FANCM: variants seen among roughly 807,000 people sequenced by gnomAD.
FANCM encodes Fanconi anemia group M protein.
Under a neutral mutation model 199.5 loss-of-function variants are expected in FANCM, and 140 were observed. That is an observed-to-expected ratio of 0.70 (90% CI 0.61 to 0.81). The LOEUF is 0.81. FANCM is among the 30% of genes least tolerant of loss of function. FANCM has a pLI of 0.00. For synonymous variants in FANCM, 840 were observed against 836.8 expected (o/e 1.00, Z -0.07); for missense variants, 2,410 against 2,421.4 (o/e 1.00, Z 0.10).
At chr14:45,150,216 A>G (rs925839090) in intron 4 of FANCM, among the ~76,000 whole-genome samples, 3 of 152,146 alleles carry the variant, frequency 2.0e-5, no homozygotes, top group East Asian at 1.9e-4. Flanking sequence ...TTGTTTTTAA[A>G]TTGTTTGTAA....
At chr14:45,165,352 C>T (rs1194713527) in intron 10 of FANCM, among the ~76,000 whole-genome samples, 3 of 152,062 alleles carry the variant, frequency 2.0e-5, no homozygotes, top group African/African-American at 4.8e-5. Flanking sequence ...CCGAGACCAG[C>T]CTGGCCAACA....
Position 45,188,944 on chromosome 14 carries a change from A to G in FANCM, c.4922A>G (p.Tyr1641Cys), listed in dbSNP as rs947497193. Residue 1641 changes from tyrosine to cysteine, a missense_variant, in exon 20 of 23, where the codon TAT becomes TGT. Tyr to Cys is a radical substitution (Grantham distance 194). Transcript: ENST00000267430. ...GATTGCTTTGCAAATAGTAAAAAGT[A>G]TAAAACTCGACGTGCAGTAATGCTA... The part of the protein sequence containing the change: ...TDDCFANSKK[Y>C]KTRRAVMLKE... 3 of 1,613,946 alleles carry G rather than the reference A, an allele frequency of 1.9e-6. No homozygotes were observed. The highest frequency in any genetic ancestry group is 1.3e-5 in the African/African-American group (1 of 74,940).
chr14:45,200,273 A>T lies in FANCM; in HGVS notation c.*265A>T, dbSNP rs1566794750. ...AAAGTGTTACTAAGGATAGTTTAAG[A>T]AAGTAAAAGCTAAGCTAGAGATATA... On this transcript the variant is annotated 3_prime_UTR_variant, in exon 23 of 23. Transcript: ENST00000267430. 1 of 164,898 alleles carries T rather than the reference A, an allele frequency of 6.1e-6. No homozygotes were observed. The highest frequency in any genetic ancestry group is 6.5e-5 in the Admixed American group (1 of 15,494). 10.2% of individuals were successfully genotyped at this position (164,898 alleles called of 1,614,324 possible).
intron 3 of FANCM, among the ~76,000 whole-genome samples, chr14:45,148,480 A>G (rs1886586707): frequency 6.6e-6 from 1 of 152,176 alleles, no homozygotes; most frequent in African/African-American, 2.4e-5. Flanking sequence ...TAATTTATCA[A>G]TAATTGATTG....
Position 45,154,075 on chromosome 14 carries a change from A to T in FANCM, c.1183+23A>T, listed in dbSNP as rs369985517. ...AAGGTAAATTATATCAAATTATTTA[A>T]AGAAATAATGACATGTATTATTTTG... On this transcript the variant is annotated intron_variant, in intron 6 of 22. Transcript: ENST00000267430. 2.1e-5 allele frequency: 31 copies of T among 1,480,772 alleles called. No individual in the cohort carries two copies. The African/African-American group carries it at 4.2e-4, about 20-fold the overall frequency. 91.7% of individuals were successfully genotyped at this position (1,480,772 alleles called of 1,614,324 possible). A position where few individuals can be genotyped will look rare whatever the true frequency, so the allele number is the denominator to read the frequency against.
At chr14:45,157,734 T>C (rs1887297338) in intron 8 of FANCM, among the ~76,000 whole-genome samples, 8 of 152,244 alleles carry the variant, frequency 5.3e-5, no homozygotes, top group Admixed American at 4.6e-4. Context: ...AGAATAATTT[T>C]ACTTGGAACA....
chr14:45,188,019 A>G (rs1594813622), intron 19 of FANCM, 132 bp downstream of exon 19: 1 of 657,724 alleles, frequency 1.5e-6, no homozygotes, highest in Non-Finnish European at 2.8e-6. Flanking sequence ...GCCCAAAGTC[A>G]GGAAGCTCGA....
At chr14:45,190,002 C>T (rs1247104201) in intron 20 of FANCM, among the ~76,000 whole-genome samples, 1 of 151,596 alleles carries the variant, frequency 6.6e-6, no homozygotes, top group Non-Finnish European at 1.5e-5. Context: ...AACTAGTTCC[C>T]AGGTTAACTT....
chr14:45,168,833 TGTA>T (rs951016673), intron 11 of FANCM, among the ~76,000 whole-genome samples: 2 of 148,298 alleles, frequency 1.3e-5, no homozygotes, highest in Middle Eastern at 3.3e-3. Context: ...ATATAGTATA[TGTA>T]GTATTATATA....
chr14:45,172,868 T>C (rs553194111), intron 12 of FANCM, among the ~76,000 whole-genome samples, 187 bp from the exon 13 acceptor site: 2 of 152,324 alleles, frequency 1.3e-5, no homozygotes, highest in African/African-American at 4.8e-5. Flanking sequence ...TTAACAAATA[T>C]ATTTTAAAGG....
At chr14:45,156,157 A>G (rs1887175051) in intron 8 of FANCM, among the ~76,000 whole-genome samples, 1 of 151,996 alleles carries the variant, frequency 6.6e-6, no homozygotes, top group South Asian at 2.1e-4. Flanking sequence ...ATAAGGGAGG[A>G]AGCCTTGTGA....
Position 45,175,770 on chromosome 14 carries a change from G to C in FANCM, c.3016G>C (p.Asp1006His). Residue 1006 changes from aspartate (D) to histidine (H), a missense_variant, in exon 14 of 23, where the codon GAC becomes CAC. By Grantham distance (81) the Asp-to-His change is moderately conservative. Coordinates refer to ENST00000267430, the MANE Select transcript of FANCM (RefSeq NM_020937.4). Reference protein sequence around the residue: ...YSPPPLSGLSDLEYEIAKGTA... With the variant: ...YSPPPLSGLSHLEYEIAKGTA... ...TCCTCCGCCTCTCAGTGGACTCTCAGACTTGGAATATGAAATTGCTAAGGG... is the reference window on the plus strand; with the variant it reads ...TCCTCCGCCTCTCAGTGGACTCTCACACTTGGAATATGAAATTGCTAAGGG... 6.2e-7 allele frequency: 1 copy of C among 1,613,654 alleles called. No homozygotes were observed. The highest frequency in any genetic ancestry group is 1.3e-5 in the African/African-American group (1 of 75,026).
intron 8 of FANCM, among the ~76,000 whole-genome samples, chr14:45,155,743 G>A (rs1474657158): frequency 1.3e-5 from 2 of 152,254 alleles, no homozygotes; most frequent in Non-Finnish European, 2.9e-5. Context: ...AGGTTGCAGT[G>A]AGCCGAGATT....
intron 14 of FANCM, chr14:45,180,736 G>C (rs1261964170): frequency 6.6e-6 from 1 of 152,418 alleles, no homozygotes; most frequent in African/African-American, 2.4e-5. Context: ...CTCCTGGCCT[G>C]GTATGGTCAT....
chr14:45,139,989 T>TA (rs1333626602), intron 2 of FANCM, among the ~76,000 whole-genome samples: 4 of 150,806 alleles, frequency 2.7e-5, no homozygotes, highest in South Asian at 2.1e-4. Flanking sequence ...ACCCTGTTTC[T>TA]AAAAAAAAAA....
chr14:45,159,088 A>C lies in FANCM; in HGVS notation c.1397-8A>C, dbSNP rs1377116787. 6.5e-7 allele frequency: 1 copy of C among 1,535,084 alleles called. No individual in the cohort carries two copies. On this transcript the variant is annotated splice_polypyrimidine_tract_variant and splice_region_variant and intron_variant, in intron 8 of 22. Coordinates refer to ENST00000267430, the MANE Select transcript of FANCM (RefSeq NM_020937.4). Reference sequence around the variant, plus strand: ...AGTTGTAATTAAAGTTTTTATATATATATATAGCTGAAAACACTACTGAAA... The same window carrying C: ...AGTTGTAATTAAAGTTTTTATATATCTATATAGCTGAAAACACTACTGAAA...
At chr14:45,183,061 C>T (rs368006501) in intron 16 of FANCM, among the ~76,000 whole-genome samples, 9 of 152,072 alleles carry the variant, frequency 5.9e-5, no homozygotes, top group Non-Finnish European at 1.2e-4. Flanking sequence ...GTTGAACCAT[C>T]GTAAGTTGGG....
chr14:45,166,492 C>T (rs546286047), intron 10 of FANCM, among the ~76,000 whole-genome samples: 1 of 152,082 alleles, frequency 6.6e-6, no homozygotes, highest in East Asian at 1.9e-4. Flanking sequence ...TTTTAAAATT[C>T]AAGACAGCTG....
intron 16 of FANCM, 130 bp downstream of exon 16, chr14:45,181,835 G>C: frequency 1.5e-6 from 1 of 654,868 alleles, no homozygotes; most frequent in Non-Finnish European, 2.7e-6. Context: ...TATTGTATGT[G>C]ATTGGAATTT....
Sources: gnomAD v4.1 joint callset for allele counts (sites outside exome capture counted in the v4.1 genomes callset) on GRCh38, gnomAD v4.1.1 for gene constraint, MANE v1.5 for transcripts, NCBI Gene and HGNC (gene_info 2026-07-23, HGNC 2026-07-21) for gene names.